PARD3: variants seen among roughly 807,000 people sequenced by gnomAD.
The protein encoded by PARD3 is partitioning defective 3 homolog.
Under a neutral mutation model 155.4 loss-of-function variants are expected in PARD3, and 75 were observed. The observed-to-expected ratio is 0.48, with a 90% CI of 0.40 to 0.58. PARD3 has a LOEUF of 0.58. Ranked by LOEUF, PARD3 falls within the 20% of genes least tolerant of loss-of-function variation. The probability of loss-of-function intolerance (pLI) is 0.00; values close to 1 mark genes in which losing one functional copy is unlikely to be tolerated. For synonymous variants in PARD3, 576 were observed against 610.5 expected, an observed-to-expected ratio of 0.94 and a Z score of 0.83; for missense variants, 1,642 against 1,721.7, an observed-to-expected ratio of 0.95 and a Z score of 0.82.
chr10:34,283,914 A>G (rs1004099439), intron 21 of PARD3, among the ~76,000 whole-genome samples: 12 of 151,540 alleles, frequency 7.9e-5, no homozygotes, highest in Non-Finnish European at 1.3e-4. Flanking sequence ...ATCTTAACTA[A>G]AGCAATTAAA....
intron 4 of PARD3, among the ~76,000 whole-genome samples, chr10:34,452,611 C>A (rs914093119): frequency 1.2e-4 from 19 of 152,094 alleles, no homozygotes; most frequent in African/African-American, 4.3e-4. Flanking sequence ...TGAATCTATG[C>A]CATTTTTCCT....
chr10:34,304,927 A>G lies in PARD3; in HGVS notation c.3065+12180T>C, dbSNP rs17555832. Among the ~76,000 whole-genome samples the G allele has an allele frequency of 5.9e-3, 905 of 152,334 alleles. 6 individuals carry two copies. Among genetic ancestry groups the G allele is most frequent in the Non-Finnish European group, 7.8e-3 (529 of 68,034 alleles). ...AACATACCACCTGACAAAATCAGAA[A>G]TGGAATAAAAACTGATAATAGATCA... On this transcript the variant is annotated intron_variant, in intron 20 of 24. Coordinates refer to ENST00000374788, the MANE Select transcript of PARD3 (RefSeq NM_001184785.2).
intron 22 of PARD3, among the ~76,000 whole-genome samples, chr10:34,185,864 G>T (rs1383237865): frequency 7.1e-6 from 1 of 140,366 alleles, no homozygotes; most frequent in African/African-American, 2.6e-5. Context: ...TATTTGCATA[G>T]GAATATCCAT....
intron 5 of PARD3, among the ~76,000 whole-genome samples, chr10:34,445,894 G>A (rs1416050127): frequency 1.3e-5 from 2 of 152,026 alleles, no homozygotes; most frequent in African/African-American, 2.4e-5. Context: ...GTGAAGTGAT[G>A]GGAAACTGTG....
chr10:34,365,036 C>T (rs999477241), intron 12 of PARD3, among the ~76,000 whole-genome samples: 2 of 152,022 alleles, frequency 1.3e-5, no homozygotes, highest in African/African-American at 4.8e-5. Context: ...TGGTGAAATG[C>T]GCATGTTCTT....
At chr10:34,611,748 G>A (rs1459370556) in intron 2 of PARD3, among the ~76,000 whole-genome samples, 1 of 151,394 alleles carries the variant, frequency 6.6e-6, no homozygotes, top group Non-Finnish European at 1.5e-5. Context: ...GCTAAAAACT[G>A]CTGAATTTAT....
chr10:34,532,343 T>C (rs2082917735), intron 2 of PARD3, among the ~76,000 whole-genome samples: 1 of 152,136 alleles, frequency 6.6e-6, no homozygotes, highest in Non-Finnish European at 1.5e-5. Flanking sequence ...GATCCATGCA[T>C]ATGTACACCC....
rs372796899 is a variant in PARD3 at position 34,594,012 on chromosome 10, T to C, written c.223-76853A>G. On this transcript the variant is annotated intron_variant, in intron 2 of 24. Transcript: ENST00000374788. ...GTTTTGCAAGACTCTGCGACTCAGC[T>C]GTTTGAAGCTAACCCATTTTTCATA... Among the ~76,000 whole-genome samples, 22 of 152,320 alleles carry C rather than the reference T, an allele frequency of 1.4e-4. 1 individual carries two copies. In the South Asian group the frequency reaches 3.3e-3, roughly 23 times the overall value.
At chr10:34,707,811 C>T (rs560959642) in intron 1 of PARD3, among the ~76,000 whole-genome samples, 5 of 152,274 alleles carry the variant, frequency 3.3e-5, no homozygotes, top group East Asian at 3.9e-4. Flanking sequence ...GGATTGCTAA[C>T]GCCACATCTT....
chr10:34,378,146 T>G, intron 9 of PARD3, 40 bp from the exon 10 acceptor site: 4 of 1,487,668 alleles, frequency 2.7e-6, no homozygotes, highest in Non-Finnish European at 2.7e-6. Context: ...TAAAATGAGA[T>G]ATCTTGAATT....
intron 1 of PARD3, among the ~76,000 whole-genome samples, chr10:34,712,679 G>A (rs1280195231): frequency 2.6e-5 from 4 of 152,046 alleles, no homozygotes; most frequent in Non-Finnish European, 2.9e-5. Context: ...ATTAGGAAGG[G>A]AGACACTGTC....
At chr10:34,142,742 A>C (rs1185819736) in intron 22 of PARD3, among the ~76,000 whole-genome samples, 1 of 152,202 alleles carries the variant, frequency 6.6e-6, no homozygotes, top group African/African-American at 2.4e-5. Flanking sequence ...CCCAAAGTGC[A>C]CTTACTTTTC....
At chr10:34,121,250 G>T (rs1044994365) in intron 23 of PARD3, among the ~76,000 whole-genome samples, 1 of 152,058 alleles carries the variant, frequency 6.6e-6, no homozygotes, top group African/African-American at 2.4e-5. Flanking sequence ...TCTAGATCTG[G>T]CCTTTTGAAA....
At chr10:34,312,520 C>A (rs1957757486) in intron 20 of PARD3, 2 of 778,308 alleles carry the variant, frequency 2.6e-6, no homozygotes, top group Admixed American at 4.0e-5. Flanking sequence ...TGATTATGTT[C>A]ATTGTGTTCT....
At chr10:34,240,876 C>T (rs897514289) in intron 22 of PARD3, among the ~76,000 whole-genome samples, 39 of 152,202 alleles carry the variant, frequency 2.6e-4, no homozygotes, top group African/African-American at 8.9e-4. Flanking sequence ...CCTGAGCGTG[C>T]ACCACCAAAC....
chr10:34,382,474 T>C, intron 9 of PARD3, 66 bp downstream of exon 9: 1 of 1,519,996 alleles, frequency 6.6e-7, no homozygotes, highest in African/African-American at 1.4e-5. Flanking sequence ...ATAAATTCCA[T>C]TTCTACCCTT....
intron 22 of PARD3, among the ~76,000 whole-genome samples, chr10:34,214,737 A>T (rs1284831373): frequency 6.6e-6 from 1 of 152,234 alleles, no homozygotes; most frequent in African/African-American, 2.4e-5. Flanking sequence ...TGAAAGCATC[A>T]TACAGAGAGG....
At chr10:34,376,003 G>A (rs1030542832) in intron 10 of PARD3, among the ~76,000 whole-genome samples, 7 of 152,072 alleles carry the variant, frequency 4.6e-5, no homozygotes, top group Non-Finnish European at 4.4e-5. Flanking sequence ...AAGGACAAGC[G>A]GCCTTTTCAG....
At chr10:34,279,688 A>C (rs879413715) in intron 21 of PARD3, among the ~76,000 whole-genome samples, 5 of 152,198 alleles carry the variant, frequency 3.3e-5, no homozygotes, top group African/African-American at 1.2e-4. Flanking sequence ...CAGCTGGTAA[A>C]ATTAGAAAGA....
Sources: gnomAD v4.1 joint callset for allele counts (sites outside exome capture counted in the v4.1 genomes callset) on GRCh38, gnomAD v4.1.1 for gene constraint, MANE v1.5 for transcripts, NCBI Gene and HGNC (gene_info 2026-07-23, HGNC 2026-07-21) for gene names.